TGM4: variants seen among roughly 807,000 people sequenced by gnomAD.
The protein encoded by TGM4 is protein-glutamine gamma-glutamyltransferase 4.
A neutral mutation model predicts 76.3 loss-of-function variants in TGM4; 61 were observed. The observed-to-expected ratio is 0.80, with a 90% CI of 0.65 to 0.99. The LOEUF (loss-of-function observed/expected upper bound fraction) is 0.99. TGM4 is among the 50% of genes least tolerant of loss of function. TGM4 has a pLI of 0.00. For missense variants in TGM4, 794 were observed against 843.2 expected (o/e 0.94, Z 0.72); for synonymous variants, 337 against 329.8 (o/e 1.02, Z -0.24).
At chr3:44,903,587 A>AT (rs776298926) in intron 8 of TGM4, 10 of 382,380 alleles carry the variant, frequency 2.6e-5, no homozygotes, top group Non-Finnish European at 4.8e-5. Context: ...CGAGTTCACC[A>AT]TCTCTAGTGG....
chr3:44,907,309 C>CA, intron 10 of TGM4, 109 bp downstream of exon 10: 103 of 789,400 alleles, frequency 1.3e-4, no homozygotes, highest in Admixed American at 4.0e-4. Context: ...CCCATCCCTA[C>CA]CAAAAAAAAA....
chr3:44,875,874 C>A (rs796548108), intron 1 of TGM4, among the ~76,000 whole-genome samples: 1 of 152,196 alleles, frequency 6.6e-6, no homozygotes, highest in Non-Finnish European at 1.5e-5. Context: ...GACGCCTCAG[C>A]TAGACTCAGT....
Position 44,903,928 on chromosome 3 carries a change from T to C in TGM4, c.1016T>C (p.Leu339Pro). The C allele has an allele frequency of 1.9e-6, 3 of 1,614,234 alleles. No homozygotes were observed. The highest frequency in any genetic ancestry group is 2.5e-6 in the Non-Finnish European group (3 of 1,180,042). ...GATGCCTGGATGAAGCGACCGGATC[T>C]GCCCAAGGGCTACGACGGCTGGCAG... ...WTDAWMKRPD[L>P]PKGYDGWQAV... is the part of the protein sequence containing the mutation. Residue 339 changes from leucine (L) to proline (P), a missense_variant, in exon 9 of 14, where the codon CTG becomes CCG. Physicochemically the swap from Leu to Pro is moderately conservative, Grantham distance 98. Transcript: ENST00000296125.
chr3:44,890,295 C>A, intron 3 of TGM4: 1 of 256,230 alleles, frequency 3.9e-6, no homozygotes, highest in Non-Finnish European at 7.5e-6. Flanking sequence ...GAGATGGTAT[C>A]ACCTCCAGGC....
chr3:44,895,037 T>A (rs531032559), intron 5 of TGM4, among the ~76,000 whole-genome samples: 4 of 152,312 alleles, frequency 2.6e-5, no homozygotes, highest in African/African-American at 9.6e-5. Context: ...GGCTCACACC[T>A]GTAATCCCAG....
At chr3:44,890,154 C>G (rs534540133) in intron 3 of TGM4, among the ~76,000 whole-genome samples, 1 of 152,288 alleles carries the variant, frequency 6.6e-6, no homozygotes, top group East Asian at 1.9e-4. Context: ...AATCACCTCC[C>G]ACCAGGTCCC....
intron 6 of TGM4, among the ~76,000 whole-genome samples, chr3:44,900,240 C>T (rs1299267093): frequency 4.6e-5 from 7 of 152,200 alleles, no homozygotes; most frequent in African/African-American, 1.2e-4. Context: ...CGCAGGAGGA[C>T]GCAGCAGCCG....
intron 1 of TGM4, among the ~76,000 whole-genome samples, chr3:44,878,811 G>A (rs552131725): frequency 6.6e-6 from 1 of 152,068 alleles, no homozygotes; most frequent in African/African-American, 2.4e-5. Flanking sequence ...GATTCTTTGT[G>A]GTTCCTAAAT....
intron 9 of TGM4, among the ~76,000 whole-genome samples, chr3:44,905,873 T>C (rs1699915705): frequency 1.3e-5 from 2 of 152,162 alleles, no homozygotes; most frequent in African/African-American, 2.4e-5. Flanking sequence ...CAGGGCAGTA[T>C]TGAGGGCTCT....
chr3:44,887,992 G>A, intron 3 of TGM4, 197 bp downstream of exon 3: 2 of 592,718 alleles, frequency 3.4e-6, no homozygotes, highest in East Asian at 5.7e-5. Flanking sequence ...CAGTATCGCT[G>A]TGGCCAAACC....
chr3:44,893,610 G>T lies in TGM4; in HGVS notation c.464G>T (p.Arg155Leu). ...DMVFMPDEDE[R>L]KEYILNDTGC... ...GTTTTCATGCCTGATGAGGACGAGC[G>T]CAAAGAGTACATCCTCAATGACACG... The change falls in exon 5 of 14, where the codon CGC becomes CTC. Residue 155 changes from arginine to leucine, a missense_variant. Physicochemically the swap from Arg to Leu is moderately radical, Grantham distance 102 (BLOSUM62 -2). Transcript: ENST00000296125. 1 of 1,613,836 alleles carries T rather than the reference G, an allele frequency of 6.2e-7. No individual in the cohort carries two copies. Among genetic ancestry groups the T allele is most frequent in the Non-Finnish European group, 8.5e-7 (1 of 1,179,846 alleles).
At chr3:44,879,237 GTCTCTCTCTC>G (rs377695202) in intron 1 of TGM4, among the ~76,000 whole-genome samples, 16 of 118,076 alleles carry the variant, frequency 1.4e-4, no homozygotes, top group South Asian at 5.6e-4. Context: ...CTATTTTATG[GTCTCTCTCTC>G]TCTCTCTCTC....
chr3:44,902,042 G>A, intron 8 of TGM4, 111 bp downstream of exon 8: 1 of 1,312,486 alleles, frequency 7.6e-7, no homozygotes, highest in Non-Finnish European at 1.0e-6. Context: ...TTGAACTGGT[G>A]TCAAGCAGTC....
At chr3:44,900,040 C>A (rs58105847) in intron 6 of TGM4, among the ~76,000 whole-genome samples, 70,905 of 151,978 alleles carry the variant, frequency 0.47, 17,051 homozygotes, top group East Asian at 0.81. Context: ...TGACTGCCTA[C>A]CATGCCTGGG....
chr3:44,888,062 G>A (rs1699637472), intron 3 of TGM4: 2 of 434,692 alleles, frequency 4.6e-6, no homozygotes, highest in South Asian at 7.3e-5. Context: ...TGGAGGACAT[G>A]AGCGGAGAGA....
rs745379168 is a variant in TGM4, at chr3:44,887,701, G to C, written c.206G>C (p.Ser69Thr). The C allele has an allele frequency of 6.2e-7, 1 of 1,613,904 alleles. No homozygotes were observed. Among genetic ancestry groups the C allele is most frequent in the South Asian group, 1.1e-5 (1 of 91,072 alleles). Residue 69 changes from serine (S) to threonine (T), a missense_variant, in exon 3 of 14, where the codon AGC (serine) becomes ACC (threonine). Transcript: ENST00000296125. ...KLEFSTGPNP[S>T]IAKHTLVVLD... Reference sequence around the variant, plus strand: ...TGGGTGTCTCCAGGGCCGAATCCTAGCATCGCCAAACACACCCTGGTGGTG... The same window carrying C: ...TGGGTGTCTCCAGGGCCGAATCCTACCATCGCCAAACACACCCTGGTGGTG...
At chr3:44,911,483 T>C in intron 13 of TGM4, 77 bp downstream of exon 13, 1 of 1,542,316 alleles carries the variant, frequency 6.5e-7, no homozygotes, top group Non-Finnish European at 8.8e-7. Context: ...TCCTGAGAAG[T>C]GAATTCCCAG....
Position 44,890,623 on chromosome 3 carries a change from T to C in TGM4, c.321T>C (p.Ser107=). The change falls in exon 4 of 14, where the codon AGT becomes AGC. Residue 107 remains serine, a synonymous_variant. Coordinates refer to ENST00000296125, the MANE Select transcript of TGM4 (RefSeq NM_003241.4). The part of the protein sequence containing the change: ...SGKEVTVAVT[S]SPNAILGKYQ... Reference sequence around the variant, plus strand: ...CTCAGGTCACAGTGGCTGTCACCAGTTCCCCCAATGCCATCCTGGGCAAGT... The same window carrying C: ...CTCAGGTCACAGTGGCTGTCACCAGCTCCCCCAATGCCATCCTGGGCAAGT... The C allele has an allele frequency of 6.2e-7, 1 of 1,614,068 alleles. No homozygotes were observed. Among genetic ancestry groups the C allele is most frequent in the South Asian group, 1.1e-5 (1 of 91,072 alleles).
chr3:44,894,072 G>A (rs1448852440), intron 5 of TGM4, among the ~76,000 whole-genome samples: 1 of 58,732 alleles, frequency 1.7e-5, no homozygotes, highest in African/African-American at 7.5e-5. Context: ...ACCCCCCTTG[G>A]CCCTCTCCCA....
Sources: gnomAD v4.1 joint callset for allele counts (sites outside exome capture counted in the v4.1 genomes callset) on GRCh38, gnomAD v4.1.1 for gene constraint, MANE v1.5 for transcripts, NCBI Gene and HGNC (gene_info 2026-07-23, HGNC 2026-07-21) for gene names.